The following MIPOL1 variants were observed in gnomAD, a reference collection of about 807,000 sequenced individuals.
The protein encoded by MIPOL1 is mirror-image polydactyly 1, also known as mirror-image polydactyly gene 1 protein.
Under a neutral mutation model 60.9 loss-of-function variants are expected in MIPOL1, and 57 were observed. That is an observed-to-expected ratio of 0.94 (90% CI 0.76 to 1.17). The LOEUF is 1.17. MIPOL1 is among the 50% of genes most tolerant of loss of function. The pLI is 0.00. For synonymous variants in MIPOL1, 179 were observed against 168.8 expected (o/e 1.06, Z -0.47); for missense variants, 551 against 511.6 (o/e 1.08, Z -0.74).
At chr14:37,511,334 T>A (rs1291736146) in intron 12 of MIPOL1, among the ~76,000 whole-genome samples, 1 of 152,184 alleles carries the variant, frequency 6.6e-6, no homozygotes, top group African/African-American at 2.4e-5. Flanking sequence ...ATGTGTAGTT[T>A]GTGGATGAAT....
At chr14:37,270,872 C>T (rs1219534543) in intron 6 of MIPOL1, among the ~76,000 whole-genome samples, 2 of 151,892 alleles carry the variant, frequency 1.3e-5, no homozygotes, top group South Asian at 2.1e-4. Context: ...GTTCAAATAC[C>T]ACTTATTGTT....
intron 12 of MIPOL1, among the ~76,000 whole-genome samples, chr14:37,526,374 T>C (rs1045822809): frequency 1.1e-4 from 17 of 148,668 alleles, no homozygotes; most frequent in Admixed American, 2.0e-4. Flanking sequence ...CTTTTCTTTT[T>C]TTTTTTTTTT....
intron 9 of MIPOL1, 90 bp downstream of exon 9, chr14:37,308,609 C>G: frequency 3.3e-6 from 3 of 899,870 alleles, no homozygotes; most frequent in Non-Finnish European, 4.7e-6. Context: ...CCCAGATATT[C>G]TTAATTCACA....
chr14:37,329,893 C>G (rs1198211778), intron 9 of MIPOL1, among the ~76,000 whole-genome samples: 1 of 152,018 alleles, frequency 6.6e-6, no homozygotes, highest in African/African-American at 2.4e-5. Context: ...ACTTAAGAAC[C>G]AACTCATTAC....
At chr14:37,200,702 G>A (rs1965105873) in intron 1 of MIPOL1, among the ~76,000 whole-genome samples, 1 of 144,716 alleles carries the variant, frequency 6.9e-6, no homozygotes. Context: ...CAGTCCTCTG[G>A]CTGGATTTGA....
chr14:37,312,400 C>G (rs1199560892), intron 9 of MIPOL1, among the ~76,000 whole-genome samples: 4 of 152,132 alleles, frequency 2.6e-5, no homozygotes, highest in Non-Finnish European at 5.9e-5. Context: ...TGTGAGCCAC[C>G]TGCCCAGCCT....
At chr14:37,500,631 A>G (rs938583074) in intron 12 of MIPOL1, among the ~76,000 whole-genome samples, 4 of 152,186 alleles carry the variant, frequency 2.6e-5, no homozygotes, top group Non-Finnish European at 5.9e-5. Flanking sequence ...GTGCATAATT[A>G]TATATGTTTA....
chr14:37,226,135 A>G (rs1969691934), intron 1 of MIPOL1, among the ~76,000 whole-genome samples: 2 of 152,184 alleles, frequency 1.3e-5, no homozygotes, highest in South Asian at 4.1e-4. Context: ...AGGAAGCTCA[A>G]AACTTTCCCA....
intron 11 of MIPOL1, among the ~76,000 whole-genome samples, chr14:37,459,959 A>G (rs1266949261): frequency 6.6e-6 from 1 of 152,014 alleles, no homozygotes; most frequent in Non-Finnish European, 1.5e-5. Context: ...GGTGCCTGTA[A>G]CCGCAGCTAC....
At chr14:37,266,554 T>G (rs1413288748) in intron 3 of MIPOL1, among the ~76,000 whole-genome samples, 7 of 152,208 alleles carry the variant, frequency 4.6e-5, no homozygotes, top group Admixed American at 4.6e-4. Context: ...GAAAGCATTA[T>G]CAAAATAACA....
At chr14:37,255,787 G>A (rs544149575) in intron 3 of MIPOL1, among the ~76,000 whole-genome samples, 1 of 151,758 alleles carries the variant, frequency 6.6e-6, no homozygotes, top group Non-Finnish European at 1.5e-5. Flanking sequence ...TTGCCATATG[G>A]TAAAATTGTG....
rs760378612 is a variant in MIPOL1, at chr14:37,267,086, G to T, written c.168G>T (p.Trp56Cys). The change falls in exon 4 of 13, where the codon TGG (tryptophan) becomes TGT (cysteine). Residue 56 changes from tryptophan (W) to cysteine (C), a missense_variant. Physicochemically the swap from Trp to Cys is radical, Grantham distance 215 (BLOSUM62 -2). Coordinates refer to ENST00000684589, the MANE Select transcript of MIPOL1 (RefSeq NM_001388067.1). ...VNEITCENTE[W>C]PGQRSTNFQI... is the part of the protein sequence containing the mutation. ...AAATAACATGTGAGAACACAGAATG[G>T]CCAGGGCAGAGATCAACGAATTTTC... is the stretch of plus-strand genomic sequence containing the variant. 5 of 1,613,934 alleles carry T rather than the reference G, an allele frequency of 3.1e-6. No homozygotes were observed. Among genetic ancestry groups the T allele is most frequent in the Non-Finnish European group, 4.2e-6 (5 of 1,179,942 alleles).
intron 9 of MIPOL1, among the ~76,000 whole-genome samples, chr14:37,346,684 A>G (rs1056971349): frequency 1.3e-5 from 2 of 152,152 alleles, no homozygotes; most frequent in African/African-American, 4.8e-5. Context: ...AAGAGCAGAT[A>G]TTGATCCCAA....
chr14:37,371,538 T>A (rs1489393487), intron 10 of MIPOL1, among the ~76,000 whole-genome samples: 1 of 152,142 alleles, frequency 6.6e-6, no homozygotes, highest in Non-Finnish European at 1.5e-5. Flanking sequence ...TAACATTCAT[T>A]AATAAGCTAG....
chr14:37,424,540 T>A (rs191253497), intron 11 of MIPOL1, among the ~76,000 whole-genome samples: 1 of 152,304 alleles, frequency 6.6e-6, no homozygotes, highest in East Asian at 1.9e-4. Context: ...ATTCCAGACT[T>A]CTATAGTTTC....
intron 11 of MIPOL1, among the ~76,000 whole-genome samples, chr14:37,485,421 A>G (rs898167868): frequency 6.6e-6 from 1 of 152,196 alleles, no homozygotes; most frequent in African/African-American, 2.4e-5. Flanking sequence ...GTCTTCCACA[A>G]TGGCTGAACT....
At chr14:37,385,573 G>A (rs1595523238) in intron 10 of MIPOL1, 1 of 152,002 alleles carries the variant, frequency 6.6e-6, no homozygotes. Context: ...TACAGAAAAA[G>A]AACTAAACTT....
At chr14:37,364,215 G>A (rs1385512035) in intron 9 of MIPOL1, among the ~76,000 whole-genome samples, 2 of 152,160 alleles carry the variant, frequency 1.3e-5, no homozygotes, top group African/African-American at 2.4e-5. Context: ...AGTCTTCTAC[G>A]TGGATCACAC....
intron 9 of MIPOL1, among the ~76,000 whole-genome samples, chr14:37,320,427 G>GT (rs1295153477): frequency 6.6e-6 from 1 of 151,884 alleles, no homozygotes; most frequent in Non-Finnish European, 1.5e-5. Flanking sequence ...CTTTTTATAT[G>GT]TTTTTTGACC....
Sources: gnomAD v4.1 joint callset for allele counts (sites outside exome capture counted in the v4.1 genomes callset) on GRCh38, gnomAD v4.1.1 for gene constraint, MANE v1.5 for transcripts, NCBI Gene and HGNC (gene_info 2026-07-23, HGNC 2026-07-21) for gene names.